ZCWPW1: variants seen among roughly 807,000 people sequenced by gnomAD.
ZCWPW1 encodes the protein zinc finger CW-type and PWWP domain containing 1.
ZCWPW1 carries 56 observed loss-of-function variants against 81.3 expected under a neutral mutation model. The ratio of observed to expected loss-of-function variants is 0.69; its 90% CI spans 0.56 to 0.86. The LOEUF is 0.86. Among genes scored for constraint, ZCWPW1 ranks in the 40% least tolerant of loss-of-function variants. The pLI, the probability that ZCWPW1 is intolerant of heterozygous loss-of-function variation, is 0.00. For missense variants in ZCWPW1, 650 were observed against 769.8 expected, an observed-to-expected ratio of 0.84 and a Z score of 1.84; for synonymous variants, 250 against 273.7, an observed-to-expected ratio of 0.91 and a Z score of 0.86.
chr7:100,402,945 T>C (rs1480837359), intron 15 of ZCWPW1, among the ~76,000 whole-genome samples: 2 of 149,874 alleles, frequency 1.3e-5, no homozygotes, highest in East Asian at 3.9e-4. Context: ...GAGAAAGGAG[T>C]GGAAAGAAAC....
Position 100,401,338 on chromosome 7 carries a change from T to C in ZCWPW1, c.1628-2A>G. 6.5e-7 allele frequency: 1 copy of C among 1,534,588 alleles called. No homozygotes were observed. The highest frequency in any genetic ancestry group is 8.7e-7 in the Non-Finnish European group (1 of 1,143,946). ...GAGCTTTAAATTTTTTCTTAGGGCC[T>C]AAATGAGAAGGTGACAAAGCCAAGA... On this transcript the variant is annotated splice_acceptor_variant, in intron 17 of 17. Transcript: ENST00000684423. LOFTEE classifies it high-confidence loss of function.
chr7:100,419,868 G>A lies in ZCWPW1; in HGVS notation c.44C>T (p.Pro15Leu). The A allele has an allele frequency of 6.3e-7, 1 of 1,578,398 alleles. No individual in the cohort carries two copies. The highest frequency in any genetic ancestry group is 1.2e-5 in the South Asian group (1 of 85,652). Residue 15 changes from proline (P) to leucine (L), a missense_variant, in exon 4 of 18, where the codon CCA becomes CTA. Pro to Leu is a moderately conservative substitution (Grantham distance 98, BLOSUM62 -3). Coordinates refer to ENST00000684423, the MANE Select transcript of ZCWPW1 (RefSeq NM_001386010.1). Reference protein sequence around the residue: ...LQNKEECGKGPKRIFAPPAQK... With the variant: ...LQNKEECGKGLKRIFAPPAQK... ...TGCAGGTGGGGCAAAGATTCTCTTT[G>A]GTCCCTTTCCACATTCTGAAAGAAA...
chr7:100,412,051 C>G (rs1794279272), intron 8 of ZCWPW1, among the ~76,000 whole-genome samples: 1 of 152,050 alleles, frequency 6.6e-6, no homozygotes. Flanking sequence ...TCCTGTCCCC[C>G]TCCCCCTGAT....
intron 6 of ZCWPW1, 103 bp from the exon 7 acceptor site, chr7:100,416,559 T>C: frequency 7.9e-7 from 1 of 1,258,268 alleles, no homozygotes; most frequent in Admixed American, 2.4e-5. Context: ...AATCCTAAGC[T>C]CTCTAAGACC....
intron 14 of ZCWPW1, 22 bp from the exon 15 acceptor site, chr7:100,403,807 A>C: frequency 6.2e-7 from 1 of 1,603,664 alleles, no homozygotes; most frequent in Non-Finnish European, 8.5e-7. Flanking sequence ...AAAGGAAGGA[A>C]AGGCTAAATC....
In ZCWPW1 at chr7:100,415,964, G is replaced by C; in HGVS notation, c.754+11C>G. The C allele has an allele frequency of 6.2e-7, 1 of 1,614,002 alleles. No individual in the cohort carries two copies. The highest frequency in any genetic ancestry group is 8.5e-7 in the Non-Finnish European group (1 of 1,180,002). On this transcript the variant is annotated intron_variant, in intron 8 of 17. Coordinates refer to ENST00000684423, the MANE Select transcript of ZCWPW1 (RefSeq NM_001386010.1). ...CAGGCCAAGTAGGTTTGCCAAACCA[G>C]CTAAACTCACCAAAACCACTTATCT... is the stretch of plus-strand genomic sequence containing the variant.
At position 100,409,419 on chromosome 7, in the gene ZCWPW1, C is replaced by G. The variant is rs757762098; in HGVS notation, c.871+9G>C. The G allele has an allele frequency of 6.3e-7, 1 of 1,594,790 alleles. No homozygotes were observed. Among genetic ancestry groups the G allele is most frequent in the Non-Finnish European group, 8.6e-7 (1 of 1,164,790 alleles). On this transcript the variant is annotated intron_variant, in intron 9 of 17. Transcript: ENST00000684423. ...AAACATGAATGAAAACATTTCCAGT[C>G]TTTTCTACCTGTGTTCTGATCACAG...
chr7:100,418,994 A>G (rs1795857740), intron 5 of ZCWPW1, 117 bp downstream of exon 5: 1 of 806,558 alleles, frequency 1.2e-6, no homozygotes, highest in Admixed American at 2.2e-5. Flanking sequence ...AGTCTCATCT[A>G]ATATTACCTT....
intron 5 of ZCWPW1, 158 bp downstream of exon 5, chr7:100,418,953 C>T: frequency 1.8e-6 from 1 of 566,250 alleles, no homozygotes; most frequent in Non-Finnish European, 3.1e-6. Flanking sequence ...GTCCTGTTGA[C>T]AGATGATGAA....
In ZCWPW1 at chr7:100,417,156, T is replaced by C. The variant is rs537142241; in HGVS notation, c.389A>G (p.Glu130Gly). 130 of 1,613,952 alleles carry C rather than the reference T, an allele frequency of 8.1e-5. 1 individual carries two copies. In the South Asian group the frequency reaches 1.4e-3, roughly 17 times the overall value. Residue 130 changes from glutamate (E) to glycine (G), a missense_variant, in exon 6 of 18, where the codon GAG becomes GGG. Transcript: ENST00000684423. ...LGMGSGLDFAETSCAQPVVST... is the reference protein window; with the variant it reads ...LGMGSGLDFAGTSCAQPVVST... The stretch of plus-strand genomic sequence containing the variant: ...TACTACGGGCTGGGCACAAGAAGTC[T>C]CTGCAAAATCAAGGCCAGATCCCAT...
At chr7:100,425,770 C>A (rs1194335868) in intron 1 of ZCWPW1, among the ~76,000 whole-genome samples, 1 of 152,140 alleles carries the variant, frequency 6.6e-6, no homozygotes, top group Non-Finnish European at 1.5e-5. Flanking sequence ...GCTAAATTTT[C>A]TTTTGTTTAG....
intron 11 of ZCWPW1, 116 bp downstream of exon 11, chr7:100,407,110 GTC>G (rs2130492051): frequency 1.1e-6 from 1 of 885,392 alleles, no homozygotes; most frequent in South Asian, 1.5e-5. Context: ...CTAGTTAAGT[GTC>G]TGTTTTCACT....
Position 100,401,187 on chromosome 7 carries a change from G to A in ZCWPW1, c.1777C>T (p.Arg593Trp), listed in dbSNP as rs766592921. The change falls in exon 18 of 18, where the codon CGG becomes TGG. Residue 593 changes from arginine to tryptophan, a missense_variant. Coordinates refer to ENST00000684423, the MANE Select transcript of ZCWPW1 (RefSeq NM_001386010.1). ...CCAGCCTCCTGGGTCAGGGGTTCCC[G>A]GTGTCTGGGCTCTTCTTTCGCAGAT... Reference protein sequence around the residue: ...PSSAKEEPRHREPLTQEAGSV... With the variant: ...PSSAKEEPRHWEPLTQEAGSV... 2.0e-5 allele frequency: 33 copies of A among 1,614,104 alleles called. No homozygotes were observed. The highest frequency in any genetic ancestry group is 5.5e-5 in the South Asian group (5 of 91,090).
chr7:100,416,929 G>A, intron 6 of ZCWPW1, 137 bp downstream of exon 6: 2 of 737,604 alleles, frequency 2.7e-6, no homozygotes, highest in Non-Finnish European at 4.4e-6. Flanking sequence ...CTGGGCGACA[G>A]AGCGAGACTC....
chr7:100,403,814 A>C, intron 14 of ZCWPW1, 29 bp from the exon 15 acceptor site: 1 of 1,588,190 alleles, frequency 6.3e-7, no homozygotes, highest in Non-Finnish European at 8.6e-7. Flanking sequence ...GGAAAGGCTA[A>C]ATCATTCATA....
intron 2 of ZCWPW1, among the ~76,000 whole-genome samples, chr7:100,421,608 CTAA>C (rs1796358470): frequency 6.6e-6 from 1 of 152,158 alleles, no homozygotes; most frequent in Non-Finnish European, 1.5e-5. Flanking sequence ...ACCTTAGCAC[CTAA>C]TAATGAGAAA....
chr7:100,406,758 C>A lies in ZCWPW1; in HGVS notation c.1109G>T (p.Arg370Leu), dbSNP rs201574533. 12 of 1,614,100 alleles carry A rather than the reference C, an allele frequency of 7.4e-6. No individual in the cohort carries two copies. The highest frequency in any genetic ancestry group is 5.9e-6 in the Non-Finnish European group (7 of 1,180,008). Residue 370 changes from arginine (R) to leucine (L), a missense_variant, in exon 12 of 18, where the codon CGT becomes CTT. Transcript: ENST00000684423. ...TAGCATGTTGACTGGGATCCATGCA[C>A]GAGAAACTGTTTCTCCAAAAAACGT... is the stretch of plus-strand genomic sequence containing the variant. ...HVTFFGETVS[R>L]AWIPVNMLKN...
intron 10 of ZCWPW1, 112 bp from the exon 11 acceptor site, chr7:100,407,415 CAAGG>C (rs1793265600): frequency 1.1e-6 from 1 of 929,690 alleles, no homozygotes; most frequent in African/African-American, 1.7e-5. Context: ...TTTTCTGAGA[CAAGG>C]TCTCACTCTG....
chr7:100,408,107 C>T (rs1397930096), intron 10 of ZCWPW1, among the ~76,000 whole-genome samples: 1 of 152,146 alleles, frequency 6.6e-6, no homozygotes, highest in East Asian at 1.9e-4. Context: ...CGCGCCACCA[C>T]GTCTGGCTAA....
Sources: allele counts gnomAD v4.1 joint callset (sites outside exome capture counted in the v4.1 genomes callset), GRCh38; gene constraint gnomAD v4.1.1; transcripts MANE v1.5; gene names NCBI Gene and HGNC (gene_info 2026-07-23, HGNC 2026-07-21).